MTMR1: variants seen among roughly 807,000 people sequenced by gnomAD.
The protein encoded by MTMR1 is myotubularin related protein 1.
Under a neutral mutation model 51.6 loss-of-function variants are expected in MTMR1, and 17 were observed. The ratio of observed to expected loss-of-function variants is 0.33; its 90% CI spans 0.23 to 0.49. The LOEUF is 0.49. Among genes scored for constraint, MTMR1 ranks in the 20% least tolerant of loss-of-function variants. The pLI is 0.99. For synonymous variants in MTMR1, 201 were observed against 205.6 expected (o/e 0.98, Z 0.19); for missense variants, 386 against 526.9 (o/e 0.73, Z 2.62).
chrX:150,718,404 A>C, intron 3 of MTMR1, among the ~76,000 whole-genome samples: 1 of 111,439 alleles, frequency 9.0e-6, no homozygotes, highest in Admixed American at 9.6e-5. Flanking sequence ...TGAAATTTAA[A>C]TATGTTGTAA....
chrX:150,757,061 A>G (rs1467345377), intron 15 of MTMR1, among the ~76,000 whole-genome samples: 1 of 112,216 alleles, frequency 8.9e-6, no homozygotes, highest in African/African-American at 3.2e-5. Flanking sequence ...TGATACAGAA[A>G]TCTGCCTTCC....
At chrX:150,723,240 A>T (rs1361922051) in intron 4 of MTMR1, among the ~76,000 whole-genome samples, 1 of 111,259 alleles carries the variant, frequency 9.0e-6, no homozygotes, top group Non-Finnish European at 1.9e-5. Context: ...CATTTTCTTG[A>T]TCCAGTCTAT....
At chrX:150,723,411 A>G (rs932674830) in intron 4 of MTMR1, among the ~76,000 whole-genome samples, 4 of 109,859 alleles carry the variant, frequency 3.6e-5, no homozygotes, top group Non-Finnish European at 7.6e-5. Flanking sequence ...CTAGTTCTAG[A>G]TCCCTGAGGA....
intron 12 of MTMR1, among the ~76,000 whole-genome samples, chrX:150,738,767 A>G (rs1392926314): frequency 8.9e-6 from 1 of 111,835 alleles, no homozygotes; most frequent in Non-Finnish European, 1.9e-5. Flanking sequence ...TAAAGGCCCC[A>G]TCTCCAAATA....
At chrX:150,758,021 C>G (rs1250984580) in intron 15 of MTMR1, among the ~76,000 whole-genome samples, 8 of 111,730 alleles carry the variant, frequency 7.2e-5, no homozygotes, top group African/African-American at 2.6e-4. Flanking sequence ...CCCTCAGGAT[C>G]TAGCATGGTG....
chrX:150,694,384 C>A (rs1298746750), intron 1 of MTMR1, among the ~76,000 whole-genome samples: 1 of 111,903 alleles, frequency 8.9e-6, no homozygotes, highest in Non-Finnish European at 1.9e-5. Context: ...CCGTGTCGAA[C>A]TGGGAGGGGC....
chrX:150,703,524 A>G (rs1778612755), intron 2 of MTMR1, among the ~76,000 whole-genome samples: 1 of 112,055 alleles, frequency 8.9e-6, no homozygotes, highest in African/African-American at 3.2e-5. Context: ...TCTTCTCTAA[A>G]CATTCTGAAG....
At chrX:150,722,915 A>T (rs1310876889) in intron 4 of MTMR1, among the ~76,000 whole-genome samples, 1 of 108,603 alleles carries the variant, frequency 9.2e-6, no homozygotes, top group Non-Finnish European at 1.9e-5. Flanking sequence ...GGTTAGTTAC[A>T]TATGTATACA....
At position 150,763,112 on chromosome X, in the gene MTMR1, C is replaced by T. The variant is rs1473083460; in HGVS notation, c.*383C>T. 1 of 135,619 alleles carries T rather than the reference C, an allele frequency of 7.4e-6. No individual in the cohort carries two copies. Among genetic ancestry groups the T allele is most frequent in the East Asian group, 2.1e-4 (1 of 4,755 alleles). 11.2% of individuals were successfully genotyped at this position (135,619 alleles called of 1,213,427 possible). A position where few individuals can be genotyped will look rare whatever the true frequency, so the allele number is the denominator to read the frequency against. ...CGTGGCTTCCCTCAGCTCTTGGCCA[C>T]AACTTGAAAACTGTCTTGAATGAAG... On this transcript the variant is annotated 3_prime_UTR_variant, in exon 16 of 16. Transcript: ENST00000445323.
At chrX:150,756,417 C>T (rs1177212587) in intron 15 of MTMR1, among the ~76,000 whole-genome samples, 3 of 111,863 alleles carry the variant, frequency 2.7e-5, no homozygotes, top group East Asian at 5.6e-4. Flanking sequence ...ACTACAGGGG[C>T]CAGTCCGCCA....
In MTMR1 at chrX:150,710,296, C is replaced by T. The variant is rs2041262973; in HGVS notation, c.253-2046C>T. Among the ~76,000 whole-genome samples, 3 of 111,846 alleles carry T rather than the reference C, an allele frequency of 2.7e-5. No homozygotes were observed. In the South Asian group the frequency reaches 1.1e-3, roughly 42 times the overall value. Reference sequence around the variant, plus strand: ...ACTCAGCCAGATTACTTAAACTGTGCCTTGGTTTTCTCATCAAAACATGGG... The same window carrying T: ...ACTCAGCCAGATTACTTAAACTGTGTCTTGGTTTTCTCATCAAAACATGGG... On this transcript the variant is annotated intron_variant, in intron 2 of 15. Coordinates refer to ENST00000445323, the MANE Select transcript of MTMR1 (RefSeq NM_001306144.3).
rs186274177 is a variant in MTMR1 at position 150,756,686 on chromosome X, C to T, written c.1857+821C>T. 1.3e-3 allele frequency among the ~76,000 whole-genome samples: 142 copies of T among 111,977 alleles called. 1 individual carries two copies. Among genetic ancestry groups the T allele is most frequent in the South Asian group, 5.6e-3 (15 of 2,668 alleles). ...TTATTTTTTGAGACGGAGTCTTGCTCGTCACCCAGGCTGGAGTGCAGTGGC... is the reference window on the plus strand; with the variant it reads ...TTATTTTTTGAGACGGAGTCTTGCTTGTCACCCAGGCTGGAGTGCAGTGGC... On this transcript the variant is annotated intron_variant, in intron 15 of 15. Coordinates refer to ENST00000445323, the MANE Select transcript of MTMR1 (RefSeq NM_001306144.3).
upstream of MTMR1, chrX:150,693,286 G>C: frequency 5.6e-6 from 1 of 179,068 alleles, no homozygotes; most frequent in East Asian, 2.6e-4. Flanking sequence ...GGTGGGGCTG[G>C]GCGAGGTGGG....
Position 150,754,696 on chromosome X carries a change from AC to A in MTMR1, c.1681-991del, listed in dbSNP as rs782405814. Reference sequence around the variant, plus strand: ...TAGCTATGATTTTCCAGCACAAGGAACCTTAACTGTAAAATCTATTCTCATT... The same window carrying A: ...TAGCTATGATTTTCCAGCACAAGGAACTTAACTGTAAAATCTATTCTCATT... On this transcript the variant is annotated intron_variant, in intron 14 of 15. Transcript: ENST00000445323. Among the ~76,000 whole-genome samples, 8 of 111,835 alleles carry A rather than the reference AC, an allele frequency of 7.2e-5. No individual in the cohort carries two copies. The East Asian group carries it at 2.2e-3, about 31-fold the overall frequency.
chrX:150,708,213 C>T (rs181929848), intron 2 of MTMR1, among the ~76,000 whole-genome samples: 6 of 111,521 alleles, frequency 5.4e-5, no homozygotes, highest in Admixed American at 9.5e-5. Context: ...TAATATGCTA[C>T]GACTGAGGGA....
chrX:150,705,583 A>G (rs1557416048), intron 2 of MTMR1, among the ~76,000 whole-genome samples: 2 of 112,446 alleles, frequency 1.8e-5, no homozygotes, highest in Non-Finnish European at 1.9e-5. Context: ...CAAGTGCTGA[A>G]AGAAAAAAAT....
chrX:150,752,002 C>T (rs1557417618), intron 14 of MTMR1, among the ~76,000 whole-genome samples: 2 of 103,486 alleles, frequency 1.9e-5, no homozygotes, highest in South Asian at 4.6e-4. Context: ...CTGCAAGCTC[C>T]GCCTACCACA....
chrX:150,760,251 G>A (rs2043057738), intron 15 of MTMR1, among the ~76,000 whole-genome samples: 1 of 107,048 alleles, frequency 9.3e-6, no homozygotes, highest in East Asian at 2.9e-4. Context: ...TCAGTGGCTG[G>A]TGTGGGTGTC....
intron 1 of MTMR1, among the ~76,000 whole-genome samples, chrX:150,697,099 C>A (rs1469600706): frequency 8.9e-6 from 1 of 112,066 alleles, no homozygotes; most frequent in Non-Finnish European, 1.9e-5. Context: ...CTGGTGGGTG[C>A]TGACAGAAAA....
Sources: gnomAD v4.1 joint callset for allele counts (sites outside exome capture counted in the v4.1 genomes callset) on GRCh38, gnomAD v4.1.1 for gene constraint, MANE v1.5 for transcripts, NCBI Gene and HGNC (gene_info 2026-07-23, HGNC 2026-07-21) for gene names.